The following BARX2 variants were observed in gnomAD, a reference collection of about 807,000 sequenced individuals.
BARX2 encodes the protein BARX homeobox 2.
In BARX2, 11 loss-of-function variants were observed where a neutral mutation model predicts 25.5. That is an observed-to-expected ratio of 0.43 (90% CI 0.27 to 0.71). BARX2 has a LOEUF of 0.71. Among genes scored for constraint, BARX2 ranks in the 30% least tolerant of loss-of-function variants. The pLI is 0.19. For synonymous variants in BARX2, 137 were observed against 149.5 expected (o/e 0.92, Z 0.61); for missense variants, 360 against 359.9 (o/e 1.00, Z 0.00).
At chr11:129,388,093 C>CTCTG (rs1555133631) in intron 1 of BARX2, among the ~76,000 whole-genome samples, 46 of 147,018 alleles carry the variant, frequency 3.1e-4, no homozygotes, top group South Asian at 1.5e-3. Flanking sequence ...AGGCAACATA[C>CTCTG]TGTGTGTGTG....
upstream of BARX2, among the ~76,000 whole-genome samples, chr11:129,375,591 G>A (rs543691206): frequency 1.1e-4 from 16 of 152,146 alleles, no homozygotes; most frequent in Non-Finnish European, 2.2e-4. This position sits in a 1 kb window ranked among gnomAD's most constrained non-coding sequence, Gnocchi z 4.0. Context: ...GCGTCCCGGG[G>A]GGGAGGGGGA....
intron 1 of BARX2, among the ~76,000 whole-genome samples, chr11:129,423,691 G>A (rs1421837608): frequency 6.6e-6 from 1 of 152,150 alleles, no homozygotes; most frequent in African/African-American, 2.4e-5. Flanking sequence ...TATCATTCTT[G>A]AAATTCTCTT....
intron 2 of BARX2, 88 bp downstream of exon 2, chr11:129,437,139 T>A: frequency 7.4e-7 from 1 of 1,354,894 alleles, no homozygotes; most frequent in Non-Finnish European, 9.9e-7. Flanking sequence ...GCCACAGCAC[T>A]GGTACAGTGA....
intron 1 of BARX2, among the ~76,000 whole-genome samples, chr11:129,422,095 G>A (rs921557335): frequency 6.6e-6 from 1 of 151,778 alleles, no homozygotes; most frequent in Admixed American, 6.6e-5. Flanking sequence ...GTCCAGGCTG[G>A]CCTCGATTGC....
intron 1 of BARX2, among the ~76,000 whole-genome samples, chr11:129,405,653 A>G (rs1016514909): frequency 8.3e-4 from 126 of 152,352 alleles, no homozygotes; most frequent in African/African-American, 3.0e-3. Flanking sequence ...GAGTACTGAC[A>G]TATCCTTTAG....
intron 1 of BARX2, among the ~76,000 whole-genome samples, chr11:129,420,940 A>G (rs1356330707): frequency 1.3e-5 from 2 of 152,170 alleles, no homozygotes; most frequent in Admixed American, 6.5e-5. Flanking sequence ...GACCTTCAAA[A>G]TCATCTCATT....
At chr11:129,418,199 G>A (rs1337348363) in intron 1 of BARX2, among the ~76,000 whole-genome samples, 13 of 152,126 alleles carry the variant, frequency 8.5e-5, no homozygotes, top group Admixed American at 8.5e-4. Flanking sequence ...ATCTCTAGGC[G>A]TAATGGTTGC....
At chr11:129,414,672 C>T (rs1234253769) in intron 1 of BARX2, among the ~76,000 whole-genome samples, 3 of 152,196 alleles carry the variant, frequency 2.0e-5, no homozygotes, top group African/African-American at 7.2e-5. Flanking sequence ...TGGGGAGAAG[C>T]AGGGAGTGAA....
At chr11:129,409,202 A>G (rs1008759731) in intron 1 of BARX2, among the ~76,000 whole-genome samples, 5 of 152,208 alleles carry the variant, frequency 3.3e-5, no homozygotes, top group Non-Finnish European at 4.4e-5. Flanking sequence ...CTGAAATTTC[A>G]TGTTCTCTCA....
At chr11:129,417,198 G>C (rs557006862) in intron 1 of BARX2, among the ~76,000 whole-genome samples, 2 of 152,226 alleles carry the variant, frequency 1.3e-5, no homozygotes, top group East Asian at 3.9e-4. Context: ...ACCGTGCCTG[G>C]CCCAGTGTCT....
At chr11:129,430,788 A>G (rs2135408577) in intron 1 of BARX2, among the ~76,000 whole-genome samples, 1 of 152,282 alleles carries the variant, frequency 6.6e-6, no homozygotes, top group African/African-American at 2.4e-5. Flanking sequence ...ATAGAATCAT[A>G]TAGCCTTTTG....
At chr11:129,437,356 C>A in intron 2 of BARX2, 2 of 798,056 alleles carry the variant, frequency 2.5e-6, no homozygotes, top group Non-Finnish European at 3.2e-6. Context: ...AGGCGGTCAG[C>A]TGGGAAACAG....
chr11:129,394,438 C>T (rs1010356380), intron 1 of BARX2, among the ~76,000 whole-genome samples: 1 of 152,130 alleles, frequency 6.6e-6, no homozygotes, highest in African/African-American at 2.4e-5. Context: ...GTAATATCTG[C>T]GCCTTGAACA....
chr11:129,404,607 C>T (rs1418018103), intron 1 of BARX2, among the ~76,000 whole-genome samples: 1 of 152,208 alleles, frequency 6.6e-6, no homozygotes, highest in Non-Finnish European at 1.5e-5. Flanking sequence ...AGTGATGTTA[C>T]CTGTTCTGCG....
At chr11:129,412,798 A>G (rs1861903628) in intron 1 of BARX2, among the ~76,000 whole-genome samples, 2 of 152,232 alleles carry the variant, frequency 1.3e-5, no homozygotes, top group Admixed American at 1.3e-4. Context: ...TCCTGTATCC[A>G]GGTCCCACCT....
At chr11:129,443,107 A>G (rs1381977071) in intron 3 of BARX2, among the ~76,000 whole-genome samples, 188 bp downstream of exon 3, 1 of 151,894 alleles carries the variant, frequency 6.6e-6, no homozygotes, top group Non-Finnish European at 1.5e-5. Flanking sequence ...TGGAGTTCCT[A>G]AACAGAGGGA....
At chr11:129,394,499 G>T (rs1861698177) in intron 1 of BARX2, among the ~76,000 whole-genome samples, 1 of 151,994 alleles carries the variant, frequency 6.6e-6, no homozygotes, top group Non-Finnish European at 1.5e-5. Context: ...TATGAAGTGG[G>T]TTTATTTTTA....
At chr11:129,434,743 C>T (rs1862169853) in intron 1 of BARX2, among the ~76,000 whole-genome samples, 2 of 152,174 alleles carry the variant, frequency 1.3e-5, no homozygotes, top group African/African-American at 4.8e-5. Context: ...AATTCCCTGT[C>T]AGTGACTTGG....
intron 1 of BARX2, among the ~76,000 whole-genome samples, chr11:129,421,973 T>G (rs1349220587): frequency 6.6e-6 from 1 of 152,210 alleles, no homozygotes; most frequent in East Asian, 1.9e-4. Context: ...AACCTCATTC[T>G]TAGAATGTCA....
Sources: allele counts gnomAD v4.1 joint callset (sites outside exome capture counted in the v4.1 genomes callset), GRCh38; gene constraint gnomAD v4.1.1; non-coding constraint Gnocchi (gnomAD v3.1); transcripts MANE v1.5; gene names NCBI Gene and HGNC (gene_info 2026-07-23, HGNC 2026-07-21).